The following MAPK10 variants were observed in gnomAD, a reference collection of about 807,000 sequenced individuals.
MAPK10 encodes the protein JNK3 alpha protein kinase.
In MAPK10, 25 loss-of-function variants were observed where a neutral mutation model predicts 59.3. That is an observed-to-expected ratio of 0.42 (90% confidence interval 0.31 to 0.59). The LOEUF (loss-of-function observed/expected upper bound fraction) is 0.59. Ranked by LOEUF, MAPK10 falls within the 20% of genes least tolerant of loss-of-function variation. The probability of loss-of-function intolerance (pLI) is 0.15; values close to 1 mark genes in which losing one functional copy is unlikely to be tolerated. For synonymous variants in MAPK10, 190 were observed against 200.5 expected (o/e 0.95, Z 0.44); for missense variants, 351 against 568.9 (o/e 0.62, Z 3.90).
At chr4:86,249,043 A>C (rs2093275448) in intron 2 of MAPK10, among the ~76,000 whole-genome samples, 1 of 152,212 alleles carries the variant, frequency 6.6e-6, no homozygotes, top group South Asian at 2.1e-4. Flanking sequence ...ATAATAAAGG[A>C]GAAGAAATCT....
intron 9 of MAPK10, among the ~76,000 whole-genome samples, chr4:86,088,146 T>G (rs2052331615): frequency 6.6e-6 from 1 of 152,128 alleles, no homozygotes; most frequent in Non-Finnish European, 1.5e-5. Flanking sequence ...CATATCTATT[T>G]AATACTGCAG....
chr4:86,371,616 G>A (rs1307948877), intron 1 of MAPK10, among the ~76,000 whole-genome samples: 1 of 152,070 alleles, frequency 6.6e-6, no homozygotes, highest in East Asian at 1.9e-4. Context: ...GAACAGCTCT[G>A]GTCTGCAGCT....
intron 3 of MAPK10, among the ~76,000 whole-genome samples, chr4:86,174,476 T>C (rs1255057268): frequency 6.6e-6 from 1 of 151,706 alleles, no homozygotes; most frequent in Non-Finnish European, 1.5e-5. Flanking sequence ...AGGGGGGTGG[T>C]GGAAGGGAGT....
At chr4:86,379,079 G>A (rs1164631645) in intron 1 of MAPK10, among the ~76,000 whole-genome samples, 2 of 152,190 alleles carry the variant, frequency 1.3e-5, no homozygotes, top group Admixed American at 1.3e-4. Context: ...AAGAGCAGCA[G>A]TGCATGTGTG....
rs1341400989 is a variant in MAPK10 at position 86,118,608 on chromosome 4, ACACACAC to A, written c.237-11263_237-11257del. Among the ~76,000 whole-genome samples, 10 of 150,532 alleles carry A rather than the reference ACACACAC, an allele frequency of 6.6e-5. No homozygotes were observed. The East Asian group carries it at 9.7e-4, about 15-fold the overall frequency. ...CACACACACACACACACACACACAC[ACACACAC>A]ATCTCTGAAGGCAAATCTTGTTCTC... On this transcript the variant is annotated intron_variant, in intron 4 of 13. Coordinates refer to ENST00000641462, the MANE Select transcript of MAPK10 (RefSeq NM_138982.4).
chr4:86,518,033 T>C (rs1756830318), intron 1 of MAPK10, among the ~76,000 whole-genome samples: 1 of 152,204 alleles, frequency 6.6e-6, no homozygotes, highest in Admixed American at 6.5e-5. Flanking sequence ...TTGTTTTGTT[T>C]TGTTTTTTGA....
intron 13 of MAPK10, chr4:86,026,309 A>C (rs781732249): frequency 6.6e-6 from 1 of 152,220 alleles, no homozygotes; most frequent in Non-Finnish European, 1.5e-5. Context: ...ATGCTTTTAG[A>C]AGAAAATTAA....
chr4:86,136,506 G>T (rs1275180475), intron 4 of MAPK10, among the ~76,000 whole-genome samples: 4 of 149,782 alleles, frequency 2.7e-5, no homozygotes, highest in South Asian at 2.1e-4. Flanking sequence ...GTCCCACCAG[G>T]CCTGCCCTAA....
intron 1 of MAPK10, among the ~76,000 whole-genome samples, chr4:86,491,685 T>G (rs981402901): frequency 6.6e-6 from 1 of 152,252 alleles, no homozygotes; most frequent in Non-Finnish European, 1.5e-5. Context: ...TCCATTTTTA[T>G]TTCCCAGTAG....
Position 86,067,829 on chromosome 4 carries a change from G to C in MAPK10, c.929C>G (p.Pro310Arg). The C allele has an allele frequency of 6.2e-7, 1 of 1,613,944 alleles. No individual in the cohort carries two copies. The highest frequency in any genetic ancestry group is 1.6e-4 in the Middle Eastern group (1 of 6,062). ...GAAGAGGGAATCTGGGAAGAGTTTG[G>C]GGAAGGTGAGTCCCGCATACTTGGG... ...NRPKYAGLTF[P>R]KLFPDSLFPA... is the part of the protein sequence containing the mutation. Residue 310 changes from proline to arginine, a missense_variant, in exon 10 of 14, where the codon CCC becomes CGC. Around this residue, in one of 5 missense-constraint regions of MAPK10, gnomAD observed 155 missense variants for 204.2 expected, o/e 0.76. Transcript: ENST00000641462.
At chr4:86,574,395 A>T (rs532524563) in intron 1 of MAPK10, among the ~76,000 whole-genome samples, 44 of 151,828 alleles carry the variant, frequency 2.9e-4, no homozygotes, top group African/African-American at 9.4e-4. Flanking sequence ...TAGCAGCATG[A>T]TTTATAGTCC....
intron 1 of MAPK10, among the ~76,000 whole-genome samples, chr4:86,492,495 C>T (rs976652110): frequency 2.6e-5 from 4 of 152,160 alleles, no homozygotes; most frequent in South Asian, 2.1e-4. Flanking sequence ...AGCTAGACTC[C>T]GTGAGTTCAA....
chr4:86,582,250 T>C (rs1216773949), intron 1 of MAPK10, among the ~76,000 whole-genome samples: 1 of 151,940 alleles, frequency 6.6e-6, no homozygotes, highest in African/African-American at 2.4e-5. Flanking sequence ...GAAGAAGAAA[T>C]TTGTAAGTAC....
chr4:86,530,102 G>T, intron 1 of MAPK10, among the ~76,000 whole-genome samples: 1 of 144,660 alleles, frequency 6.9e-6, no homozygotes. Context: ...AGACTTCCTG[G>T]CTCTATCTGA....
chr4:86,552,773 A>C (rs547244641), intron 1 of MAPK10, among the ~76,000 whole-genome samples: 1 of 152,260 alleles, frequency 6.6e-6, no homozygotes, highest in South Asian at 2.1e-4. Flanking sequence ...AGTATAATTA[A>C]GATAATGTTT....
chr4:86,552,901 C>G (rs955947835), intron 1 of MAPK10, among the ~76,000 whole-genome samples: 2 of 152,082 alleles, frequency 1.3e-5, no homozygotes, highest in African/African-American at 4.8e-5. Flanking sequence ...AGCTTTCACC[C>G]GGGCTTCCAC....
intron 1 of MAPK10, among the ~76,000 whole-genome samples, chr4:86,501,707 T>C (rs748483849): frequency 6.6e-6 from 1 of 150,556 alleles, no homozygotes; most frequent in Non-Finnish European, 1.5e-5. Flanking sequence ...CACACACTAC[T>C]GTGCAGTCAA....
intron 1 of MAPK10, among the ~76,000 whole-genome samples, chr4:86,548,097 C>T (rs1269175161): frequency 6.6e-6 from 1 of 152,164 alleles, no homozygotes; most frequent in Non-Finnish European, 1.5e-5. Context: ...AATCTTGCTG[C>T]TGCTCACTGC....
At chr4:86,374,020 A>G (rs1314640649) in intron 1 of MAPK10, among the ~76,000 whole-genome samples, 1 of 152,162 alleles carries the variant, frequency 6.6e-6, no homozygotes, top group East Asian at 1.9e-4. Flanking sequence ...GACCATCAAT[A>G]ACAGACTGGA....
Sources: gnomAD v4.1 joint callset for allele counts (sites outside exome capture counted in the v4.1 genomes callset) on GRCh38, gnomAD v4.1.1 for gene constraint, gnomAD v4.1.1 regional missense constraint, MANE v1.5 for transcripts, NCBI Gene and HGNC (gene_info 2026-07-23, HGNC 2026-07-21) for gene names.